The following ATXN7L1 variants were observed in gnomAD, a reference collection of about 807,000 sequenced individuals.
The protein encoded by ATXN7L1 is ataxin-7-like protein 1.
ATXN7L1 carries 15 observed loss-of-function variants against 70.8 expected under a neutral mutation model. The observed-to-expected ratio is 0.21, with a 90% CI of 0.14 to 0.33. ATXN7L1 has a LOEUF of 0.33. ATXN7L1 is among the 10% of genes least tolerant of loss of function. The pLI, the probability that ATXN7L1 is intolerant of heterozygous loss-of-function variation, is 1.00. For synonymous variants in ATXN7L1, 440 were observed against 445.1 expected (o/e 0.99, Z 0.14); for missense variants, 975 against 1,097.1 (o/e 0.89, Z 1.57).
At chr7:105,692,424 T>TCCTCCCTC (rs1554431695) in intron 3 of ATXN7L1, among the ~76,000 whole-genome samples, 41 of 88,166 alleles carry the variant, frequency 4.7e-4, no homozygotes, top group African/African-American at 1.4e-3. Flanking sequence ...CTTCCTTCCT[T>TCCTCCCTC]CCTCCCTCCC....
At chr7:105,733,569 T>C (rs1584870570) in intron 3 of ATXN7L1, among the ~76,000 whole-genome samples, 1 of 59,150 alleles carries the variant, frequency 1.7e-5, no homozygotes, top group Admixed American at 1.8e-4. Flanking sequence ...CATCCATCCT[T>C]CCATCCATCC....
At chr7:105,852,955 G>C (rs1815098364) in intron 2 of ATXN7L1, among the ~76,000 whole-genome samples, 1 of 152,016 alleles carries the variant, frequency 6.6e-6, no homozygotes. Flanking sequence ...AGTCGCAAAA[G>C]GACACACACT....
At chr7:105,798,808 A>T (rs947286204) in intron 2 of ATXN7L1, among the ~76,000 whole-genome samples, 1 of 152,214 alleles carries the variant, frequency 6.6e-6, no homozygotes, top group African/African-American at 2.4e-5. Flanking sequence ...TGAGATTCAC[A>T]TGCTGAGAGG....
intron 3 of ATXN7L1, among the ~76,000 whole-genome samples, chr7:105,728,170 G>A (rs192511108): frequency 1.3e-5 from 2 of 152,130 alleles, no homozygotes; most frequent in African/African-American, 4.8e-5. Flanking sequence ...AAATCTAACT[G>A]TATTACAAAC....
intron 3 of ATXN7L1, among the ~76,000 whole-genome samples, chr7:105,683,540 G>A (rs188829250): frequency 8.5e-5 from 13 of 152,194 alleles, no homozygotes; most frequent in Admixed American, 3.9e-4. Context: ...TTAGCCGAGC[G>A]TGGTGGTGCA....
At chr7:105,789,854 A>G (rs919485019) in intron 2 of ATXN7L1, among the ~76,000 whole-genome samples, 4 of 152,186 alleles carry the variant, frequency 2.6e-5, no homozygotes, top group Admixed American at 6.5e-5. Flanking sequence ...CAATGAACAC[A>G]TATGTACATG....
intron 3 of ATXN7L1, among the ~76,000 whole-genome samples, chr7:105,769,323 T>C (rs62482760): frequency 6.6e-6 from 1 of 151,986 alleles, no homozygotes; most frequent in African/African-American, 2.4e-5. Context: ...AGCGTGACCA[T>C]GGAAGCGTGA....
In ATXN7L1 at chr7:105,766,427, G is replaced by A. The variant is rs77648027; in HGVS notation, c.355+22177C>T. Among the ~76,000 whole-genome samples, 1,527 of 152,144 alleles carry A rather than the reference G, an allele frequency of 0.01. 53 individuals carry two copies. The East Asian group carries it at 0.11, about 11-fold the overall frequency. On this transcript the variant is annotated intron_variant, in intron 3 of 11. Coordinates refer to ENST00000419735, the MANE Select transcript of ATXN7L1 (RefSeq NM_020725.2). ...TCAGGGATGCTTGTTGGTTTGTGCC[G>A]AGACATTGATTTGATTAGTAGCATT...
In ATXN7L1 at chr7:105,643,006, A is replaced by C; in HGVS notation, c.694T>G (p.Ser232Ala). 6.4e-7 allele frequency: 1 copy of C among 1,551,810 alleles called. No homozygotes were observed. The highest frequency in any genetic ancestry group is 8.7e-7 in the Non-Finnish European group (1 of 1,147,010). Residue 232 changes from serine (S) to alanine (A), a missense_variant, in exon 5 of 12, where the codon TCC becomes GCC. By Grantham distance (99) the Ser-to-Ala change is moderately conservative. Coordinates refer to ENST00000419735, the MANE Select transcript of ATXN7L1 (RefSeq NM_020725.2). ...AAAGGAGGGGTGGAGACGGCAGAGG[A>C]CGAGGTGGAGGAGGCAGAAACTGCA... Reference protein sequence around the residue: ...TTAVSASSTSSSAVSTPPLIK... With the variant: ...TTAVSASSTSASAVSTPPLIK...
At chr7:105,772,952 G>T (rs1175180549) in intron 3 of ATXN7L1, among the ~76,000 whole-genome samples, 2 of 152,112 alleles carry the variant, frequency 1.3e-5, no homozygotes, top group African/African-American at 4.8e-5. Context: ...AGTCACAAAG[G>T]AAGTTATCAT....
chr7:105,876,017 G>T, intron 1 of ATXN7L1, 137 bp from the exon 2 acceptor site: 1 of 859,222 alleles, frequency 1.2e-6, no homozygotes, highest in Non-Finnish European at 1.8e-6. Flanking sequence ...TTCAAAAATT[G>T]ACAATGCAAC....
chr7:105,750,506 T>C (rs1799078787), intron 3 of ATXN7L1, among the ~76,000 whole-genome samples: 1 of 151,874 alleles, frequency 6.6e-6, no homozygotes, highest in Non-Finnish European at 1.5e-5. Context: ...AACTCCCTCC[T>C]TGGCCTCTCA....
intron 3 of ATXN7L1, among the ~76,000 whole-genome samples, chr7:105,675,081 G>T (rs1804419350): frequency 6.6e-6 from 1 of 151,798 alleles, no homozygotes; most frequent in African/African-American, 2.4e-5. Context: ...ATGTAAGTTT[G>T]GAAAATAGGC....
At chr7:105,749,792 A>G (rs1798984072) in intron 3 of ATXN7L1, among the ~76,000 whole-genome samples, 2 of 151,874 alleles carry the variant, frequency 1.3e-5, no homozygotes, top group African/African-American at 4.8e-5. Flanking sequence ...TAGGGTCTCC[A>G]CTTCTTTATT....
At chr7:105,872,911 T>C (rs1037819390) in intron 2 of ATXN7L1, among the ~76,000 whole-genome samples, 14 of 151,588 alleles carry the variant, frequency 9.2e-5, no homozygotes, top group African/African-American at 2.9e-4. Flanking sequence ...TCCCAGCACT[T>C]TGGGAGGCCG....
At chr7:105,654,403 G>T (rs1800303620) in intron 4 of ATXN7L1, among the ~76,000 whole-genome samples, 1 of 152,242 alleles carries the variant, frequency 6.6e-6, no homozygotes, top group East Asian at 1.9e-4. Context: ...TCATAGATGT[G>T]GAGCCTGAGG....
intron 2 of ATXN7L1, among the ~76,000 whole-genome samples, chr7:105,791,888 C>G (rs1176342049): frequency 6.6e-6 from 1 of 152,194 alleles, no homozygotes; most frequent in Admixed American, 6.5e-5. Context: ...ACAAACCAAA[C>G]CAAGCATTAA....
chr7:105,836,637 T>C (rs1388853480), intron 2 of ATXN7L1, among the ~76,000 whole-genome samples: 6 of 152,218 alleles, frequency 3.9e-5, no homozygotes, highest in African/African-American at 1.4e-4. Flanking sequence ...CACATCTGCC[T>C]ACTCCATAGC....
chr7:105,655,437 G>A (rs1450410244), intron 4 of ATXN7L1, among the ~76,000 whole-genome samples: 1 of 152,224 alleles, frequency 6.6e-6, no homozygotes, highest in African/African-American at 2.4e-5. Context: ...ATCACTCTGG[G>A]GGGGTGTGTG....
Sources: allele counts gnomAD v4.1 joint callset (sites outside exome capture counted in the v4.1 genomes callset), GRCh38; gene constraint gnomAD v4.1.1; transcripts MANE v1.5; gene names NCBI Gene and HGNC (gene_info 2026-07-23, HGNC 2026-07-21).